Variants in SPECC1 observed in about 807,000 individuals in gnomAD.
SPECC1 encodes cytospin-B.
SPECC1 carries 62 observed loss-of-function variants against 104.1 expected under a neutral mutation model. The observed-to-expected ratio is 0.60, with a 90% CI of 0.49 to 0.74. SPECC1 has a LOEUF of 0.74. Ranked by LOEUF, SPECC1 falls within the 30% of genes least tolerant of loss-of-function variation. SPECC1 has a pLI of 0.00. For missense variants in SPECC1, 1,306 were observed against 1,310.5 expected, an observed-to-expected ratio of 1.00 and a Z score of 0.05; for synonymous variants, 513 against 501.6, an observed-to-expected ratio of 1.02 and a Z score of -0.30.
At chr17:20,256,972 G>A (rs1157138048) in intron 10 of SPECC1, among the ~76,000 whole-genome samples, 1 of 152,208 alleles carries the variant, frequency 6.6e-6, no homozygotes, top group East Asian at 1.9e-4. Context: ...TTCTTGTTTA[G>A]CAAGCCAGGC....
At chr17:20,172,688 G>A (rs1457715844) in intron 3 of SPECC1, among the ~76,000 whole-genome samples, 1 of 152,184 alleles carries the variant, frequency 6.6e-6, no homozygotes, top group Non-Finnish European at 1.5e-5. Flanking sequence ...CTGAAGCCAG[G>A]GGGAAGAAAC....
At chr17:20,226,125 G>GT (rs1345852471) in intron 4 of SPECC1, among the ~76,000 whole-genome samples, 3 of 152,146 alleles carry the variant, frequency 2.0e-5, no homozygotes, top group Non-Finnish European at 4.4e-5. Flanking sequence ...AGATTACCTG[G>GT]TAAATATACA....
chr17:20,227,482 C>T lies in SPECC1; in HGVS notation c.1933C>T (p.Leu645=). Residue 645 remains leucine (L), a synonymous_variant, in exon 5 of 15, where the codon CTA becomes TTA. Transcript: ENST00000395527. ...AGCCGAACAGCTGAGCAGAACCAGCCTAAAGCTGCAAGAAAAAGCATCAGA... is the reference window on the plus strand; with the variant it reads ...AGCCGAACAGCTGAGCAGAACCAGCTTAAAGCTGCAAGAAAAAGCATCAGA... ...HQAEQLSRTS[L]KLQEKASESD... 6.2e-7 allele frequency: 1 copy of T among 1,613,774 alleles called. No homozygotes were observed. Among genetic ancestry groups the T allele is most frequent in the Non-Finnish European group, 8.5e-7 (1 of 1,179,942 alleles).
chr17:20,165,185 A>T (rs935239409), intron 3 of SPECC1, among the ~76,000 whole-genome samples: 7 of 151,874 alleles, frequency 4.6e-5, no homozygotes, highest in Admixed American at 4.6e-4. Flanking sequence ...GTTTATCCTG[A>T]TGCTGTCCCT....
At chr17:20,137,976 T>G (rs2030235491) in intron 3 of SPECC1, among the ~76,000 whole-genome samples, 1 of 151,556 alleles carries the variant, frequency 6.6e-6, no homozygotes. Context: ...TTTATTTTAT[T>G]TTATTTTTAT....
chr17:20,152,464 C>CA (rs34598187), intron 3 of SPECC1, among the ~76,000 whole-genome samples: 45,777 of 151,932 alleles, frequency 0.3, 8,489 homozygotes, highest in Non-Finnish European at 0.41. Context: ...CTGCCATAAC[C>CA]AATTGCACAG....
intron 1 of SPECC1, among the ~76,000 whole-genome samples, chr17:20,059,187 A>G (rs114061449): frequency 0.073 from 11,164 of 152,106 alleles, 550 homozygotes; most frequent in African/African-American, 0.14. Flanking sequence ...ATAGAATGAA[A>G]TAATGATACA....
At chr17:20,296,669 C>G (rs1414362866) in intron 12 of SPECC1, among the ~76,000 whole-genome samples, 1 of 152,124 alleles carries the variant, frequency 6.6e-6, no homozygotes, top group African/African-American at 2.4e-5. Context: ...AATGTTCTTC[C>G]ATTTGTTTGT....
At chr17:20,084,841 A>AGAGCCC (rs1229366429) in intron 1 of SPECC1, among the ~76,000 whole-genome samples, 1 of 152,136 alleles carries the variant, frequency 6.6e-6, no homozygotes, top group African/African-American at 2.4e-5. Flanking sequence ...GGAATGAGAC[A>AGAGCCC]GAGCCCTTCA....
chr17:20,250,214 C>T (rs2039569597), intron 9 of SPECC1, among the ~76,000 whole-genome samples: 1 of 152,144 alleles, frequency 6.6e-6, no homozygotes, highest in Non-Finnish European at 1.5e-5. Flanking sequence ...AAGTGCTGTA[C>T]CTGGTGAAAA....
chr17:20,179,748 A>G (rs1202020943), intron 3 of SPECC1, among the ~76,000 whole-genome samples: 2 of 152,234 alleles, frequency 1.3e-5, no homozygotes, highest in East Asian at 1.9e-4. Flanking sequence ...CAGAATAGAA[A>G]TATGAAGATA....
At chr17:20,145,978 T>C (rs2031412623) in intron 3 of SPECC1, among the ~76,000 whole-genome samples, 1 of 152,234 alleles carries the variant, frequency 6.6e-6, no homozygotes, top group African/African-American at 2.4e-5. Flanking sequence ...TTTCCATATA[T>C]ACCCCCTCAC....
chr17:20,229,223 A>T (rs148933629), intron 5 of SPECC1, among the ~76,000 whole-genome samples: 1 of 152,210 alleles, frequency 6.6e-6, no homozygotes, highest in African/African-American at 2.4e-5. Flanking sequence ...TTTGCTATTT[A>T]AAATGGCCCT....
At chr17:20,206,658 C>G (rs1164657729) in intron 4 of SPECC1, among the ~76,000 whole-genome samples, 1 of 152,054 alleles carries the variant, frequency 6.6e-6, no homozygotes. Flanking sequence ...TCCAGTCTTT[C>G]AATATTATAA....
intron 2 of SPECC1, 83 bp from the exon 3 acceptor site, chr17:20,110,344 C>T: frequency 2.0e-6 from 3 of 1,478,850 alleles, no homozygotes; most frequent in Non-Finnish European, 2.7e-6. Context: ...GCACATAGCC[C>T]AGCTCCCATG....
intron 1 of SPECC1, chr17:20,073,507 C>T (rs761493759): frequency 3.9e-5 from 6 of 152,048 alleles, no homozygotes; most frequent in Admixed American, 2.6e-4. Flanking sequence ...AGGAGAGAGA[C>T]GGGGAGAGGC....
intron 13 of SPECC1, among the ~76,000 whole-genome samples, chr17:20,298,901 C>T (rs2041443820): frequency 7.4e-6 from 1 of 135,994 alleles, no homozygotes; most frequent in Admixed American, 7.6e-5. Context: ...TGTTAGAATT[C>T]TCCAAAAAAG....
rs540876311 is a variant in SPECC1, at chr17:20,252,006, G to A, written c.2599-1499G>A. The stretch of plus-strand genomic sequence containing the variant: ...TGGTGGGTGATGGTGGGTATAGAAT[G>A]ACTTCTAAGATACAGTAAGTGAAAG... On this transcript the variant is annotated intron_variant, in intron 9 of 14. Coordinates refer to ENST00000395527, the MANE Select transcript of SPECC1 (RefSeq NM_001243439.2). 3.3e-4 allele frequency among the ~76,000 whole-genome samples: 50 copies of A among 152,270 alleles called. No individual in the cohort carries two copies. In the Middle Eastern group the frequency reaches 0.01, roughly 31 times the overall value.
chr17:20,217,254 G>GT (rs1020546489), intron 4 of SPECC1, among the ~76,000 whole-genome samples: 1 of 150,452 alleles, frequency 6.6e-6, no homozygotes, highest in Non-Finnish European at 1.5e-5. Context: ...AAGGGTTTCA[G>GT]TTTTTTTATT....
Sources: allele counts gnomAD v4.1 joint callset (sites outside exome capture counted in the v4.1 genomes callset), GRCh38; gene constraint gnomAD v4.1.1; transcripts MANE v1.5; gene names NCBI Gene and HGNC (gene_info 2026-07-23, HGNC 2026-07-21).